R3HCC1L: variants seen among roughly 807,000 people sequenced by gnomAD.
The protein encoded by R3HCC1L is coiled-coil domain-containing protein R3HCC1L.
Under a neutral mutation model 59.9 loss-of-function variants are expected in R3HCC1L, and 51 were observed. The ratio of observed to expected loss-of-function variants is 0.85; its 90% confidence interval spans 0.68 to 1.07. The LOEUF is 1.07. R3HCC1L is among the 50% of genes least tolerant of loss of function. R3HCC1L has a pLI of 0.00. For synonymous variants in R3HCC1L, 322 were observed against 315.2 expected, an observed-to-expected ratio of 1.02 and a Z score of -0.23; for missense variants, 965 against 933.0, an observed-to-expected ratio of 1.03 and a Z score of -0.45.
At chr10:98,237,744 T>C (rs1857117182) in intron 9 of R3HCC1L, among the ~76,000 whole-genome samples, 1 of 152,204 alleles carries the variant, frequency 6.6e-6, no homozygotes, top group South Asian at 2.1e-4. Flanking sequence ...CGTGCTACCA[T>C]TCTTTATATC....
chr10:98,201,875 G>A (rs986649265), intron 4 of R3HCC1L, among the ~76,000 whole-genome samples: 1 of 133,176 alleles, frequency 7.5e-6, no homozygotes, highest in African/African-American at 2.7e-5. Context: ...GACTATGAAA[G>A]ATGAGATTTT....
chr10:98,214,334 G>A (rs60420839), intron 5 of R3HCC1L, among the ~76,000 whole-genome samples: 3,763 of 152,168 alleles, frequency 0.025, 149 homozygotes, highest in African/African-American at 0.081. Context: ...ATGAGATATG[G>A]CATGTGGAGT....
Position 98,199,048 on chromosome 10 carries a change from G to A in R3HCC1L, c.-14-9053G>A, listed in dbSNP as rs183816922. ...TCAGTATAAAAATAATGGACATTTT[G>A]CATTTTTTTGTATGAAGTCTTTGAA... On this transcript the variant is annotated intron_variant, in intron 4 of 9. Coordinates refer to ENST00000298999, the MANE Select transcript of R3HCC1L (RefSeq NM_001351015.2). Among the ~76,000 whole-genome samples the A allele has an allele frequency of 3.4e-3, 456 of 134,616 alleles. 4 individuals are homozygous for A. The highest frequency in any genetic ancestry group is 0.01 in the African/African-American group (387 of 38,584). 88.3% of individuals were successfully genotyped at this position (134,616 alleles called of 152,430 possible).
chr10:98,238,173 G>A (rs1382637099), intron 9 of R3HCC1L, among the ~76,000 whole-genome samples: 1 of 152,104 alleles, frequency 6.6e-6, no homozygotes, highest in East Asian at 1.9e-4. Context: ...ATCATTATAT[G>A]GTGAATCCAG....
intron 4 of R3HCC1L, among the ~76,000 whole-genome samples, chr10:98,190,762 T>C (rs1482634203): frequency 6.6e-6 from 1 of 152,132 alleles, no homozygotes; most frequent in African/African-American, 2.4e-5. Context: ...CATCAAATTA[T>C]CATTTACATT....
At chr10:98,210,076 A>T (rs1226732191) in intron 5 of R3HCC1L, among the ~76,000 whole-genome samples, 177 bp downstream of exon 5, 1 of 152,210 alleles carries the variant, frequency 6.6e-6, no homozygotes, top group East Asian at 1.9e-4. Flanking sequence ...AAATATACAG[A>T]ATTGAGCTGT....
intron 2 of R3HCC1L, among the ~76,000 whole-genome samples, chr10:98,160,541 C>T (rs1161661448): frequency 1.1e-4 from 16 of 152,102 alleles, no homozygotes; most frequent in African/African-American, 3.4e-4. Context: ...ATATAAAAAC[C>T]GTGTTCAAAA....
intron 5 of R3HCC1L, among the ~76,000 whole-genome samples, chr10:98,220,726 G>T (rs974323531): frequency 6.6e-6 from 1 of 151,724 alleles, no homozygotes; most frequent in African/African-American, 2.4e-5. Flanking sequence ...TTTTATGGCT[G>T]CATAGTATTC....
intron 4 of R3HCC1L, among the ~76,000 whole-genome samples, chr10:98,182,074 C>T (rs1409111938): frequency 6.6e-6 from 1 of 152,198 alleles, no homozygotes; most frequent in African/African-American, 2.4e-5. Context: ...AGCTGTGATC[C>T]TTTCGAGGAG....
chr10:98,159,174 G>T (rs1847164269), intron 2 of R3HCC1L, among the ~76,000 whole-genome samples: 1 of 152,184 alleles, frequency 6.6e-6, no homozygotes, highest in Non-Finnish European at 1.5e-5. Flanking sequence ...GGGTTCATCT[G>T]ATGTTTTCTC....
chr10:98,144,496 G>A (rs1394639157), intron 1 of R3HCC1L, among the ~76,000 whole-genome samples: 1 of 152,170 alleles, frequency 6.6e-6, no homozygotes, highest in Non-Finnish European at 1.5e-5. Flanking sequence ...TTATAGGCGT[G>A]AGCCACCGTG....
chr10:98,193,855 A>G (rs1851118699), intron 4 of R3HCC1L, among the ~76,000 whole-genome samples: 1 of 152,176 alleles, frequency 6.6e-6, no homozygotes, highest in African/African-American at 2.4e-5. Context: ...CCTGATAAAT[A>G]TTGATGCAAT....
At position 98,208,167 on chromosome 10, in the gene R3HCC1L, CACTTTATGT is replaced by C; in HGVS notation, c.56_64del (p.Leu19_Val21del). ...GTTAGAGCCAGAAGGCCTGACATGG[CACTTTATGT>C]ACCTAAAGCTCGTAGGGGTGCAGTA... On this transcript the variant is annotated inframe_deletion, in exon 5 of 10. Coordinates refer to ENST00000298999, the MANE Select transcript of R3HCC1L (RefSeq NM_001351015.2). 3.1e-6 allele frequency: 5 copies of C among 1,613,556 alleles called. No homozygotes were observed. The highest frequency in any genetic ancestry group is 4.2e-6 in the Non-Finnish European group (5 of 1,179,772).
intron 6 of R3HCC1L, among the ~76,000 whole-genome samples, chr10:98,232,307 G>A (rs1218643710): frequency 2.0e-5 from 3 of 152,062 alleles, no homozygotes; most frequent in Non-Finnish European, 4.4e-5. Context: ...AGTTTTTATA[G>A]ACAAAATAAC....
At chr10:98,140,450 G>C (rs899554881) in intron 1 of R3HCC1L, among the ~76,000 whole-genome samples, 8 of 152,136 alleles carry the variant, frequency 5.3e-5, no homozygotes, top group African/African-American at 1.9e-4. Context: ...TAGGCAGAGA[G>C]AGAGGAGGGT....
intron 4 of R3HCC1L, among the ~76,000 whole-genome samples, chr10:98,181,814 G>T (rs1317233478): frequency 6.6e-6 from 1 of 152,160 alleles, no homozygotes; most frequent in Non-Finnish European, 1.5e-5. Flanking sequence ...GGCTACTGAA[G>T]CTTGTGCATG....
intron 4 of R3HCC1L, among the ~76,000 whole-genome samples, chr10:98,176,668 T>C (rs1174053093): frequency 6.6e-6 from 1 of 152,200 alleles, no homozygotes; most frequent in Non-Finnish European, 1.5e-5. Flanking sequence ...GTATTACTTC[T>C]TTCTTCCAAT....
At chr10:98,181,283 C>T (rs777523938) in intron 4 of R3HCC1L, among the ~76,000 whole-genome samples, 1 of 152,096 alleles carries the variant, frequency 6.6e-6, no homozygotes, top group Non-Finnish European at 1.5e-5. Context: ...TTCTCCTTCA[C>T]TTATGAAGCT....
chr10:98,233,484 C>G (rs1856604280), intron 6 of R3HCC1L, among the ~76,000 whole-genome samples: 1 of 152,170 alleles, frequency 6.6e-6, no homozygotes, highest in African/African-American at 2.4e-5. Context: ...ACACCATCTT[C>G]TTTGCCTTGT....
Sources: gnomAD v4.1 joint callset for allele counts (sites outside exome capture counted in the v4.1 genomes callset) on GRCh38, gnomAD v4.1.1 for gene constraint, MANE v1.5 for transcripts, NCBI Gene and HGNC (gene_info 2026-07-23, HGNC 2026-07-21) for gene names.